Variants in SLC35F3 observed in about 807,000 individuals in gnomAD.
SLC35F3 encodes the protein putative thiamine transporter SLC35F3.
In SLC35F3, 25 loss-of-function variants were observed where a neutral mutation model predicts 49.9. The ratio of observed to expected loss-of-function variants is 0.50; its 90% confidence interval spans 0.37 to 0.70. SLC35F3 has a LOEUF of 0.70. Among genes scored for constraint, SLC35F3 ranks in the 30% least tolerant of loss-of-function variants. SLC35F3 has a pLI of 0.00. For missense variants in SLC35F3, 525 were observed against 639.8 expected (o/e 0.82, Z 1.94); for synonymous variants, 275 against 265.4 (o/e 1.04, Z -0.35).
intron 2 of SLC35F3, among the ~76,000 whole-genome samples, chr1:233,999,151 G>A (rs1018476771): frequency 6.6e-6 from 1 of 152,108 alleles, no homozygotes; most frequent in African/African-American, 2.4e-5. Flanking sequence ...TGCAACCCAG[G>A]GTATCCCCTT....
chr1:233,908,203 A>C (rs1418153202), intron 2 of SLC35F3, among the ~76,000 whole-genome samples: 2 of 151,778 alleles, frequency 1.3e-5, no homozygotes, highest in Non-Finnish European at 2.9e-5. Context: ...AAAGACAAAA[A>C]AAAAAAATTC....
At chr1:234,125,495 C>T (rs1665633550) in intron 2 of SLC35F3, among the ~76,000 whole-genome samples, 1 of 152,128 alleles carries the variant, frequency 6.6e-6, no homozygotes, top group East Asian at 1.9e-4. Context: ...AAGTCCATGG[C>T]TGCACCTGCT....
At chr1:233,908,587 G>A (rs571302013) in intron 2 of SLC35F3, among the ~76,000 whole-genome samples, 3 of 142,946 alleles carry the variant, frequency 2.1e-5, no homozygotes, top group African/African-American at 7.9e-5. Flanking sequence ...TGTCACCCAG[G>A]CTGGAGTGCA....
chr1:234,221,428 G>A (rs749077552), intron 2 of SLC35F3, among the ~76,000 whole-genome samples: 1 of 152,278 alleles, frequency 6.6e-6, no homozygotes, highest in Non-Finnish European at 1.5e-5. Context: ...GGGAATGATC[G>A]GCTTTGAAAA....
At chr1:234,319,290 TAA>T (rs1657560538) in intron 6 of SLC35F3, among the ~76,000 whole-genome samples, 1 of 151,948 alleles carries the variant, frequency 6.6e-6, no homozygotes, top group Non-Finnish European at 1.5e-5. Context: ...CAATATTCAA[TAA>T]ATACTATAGA....
chr1:234,282,786 C>G (rs1668350231), intron 3 of SLC35F3, among the ~76,000 whole-genome samples: 1 of 152,216 alleles, frequency 6.6e-6, no homozygotes, highest in Admixed American at 6.5e-5. Context: ...ATGGGTTGTT[C>G]TTGTACGCAC....
At chr1:234,028,742 G>A (rs1188858439) in intron 2 of SLC35F3, among the ~76,000 whole-genome samples, 1 of 152,252 alleles carries the variant, frequency 6.6e-6, no homozygotes, top group Non-Finnish European at 1.5e-5. Flanking sequence ...GACTACAGGT[G>A]TAGAAAGTGG....
At chr1:234,013,381 CA>C (rs1403130636) in intron 2 of SLC35F3, among the ~76,000 whole-genome samples, 1 of 151,368 alleles carries the variant, frequency 6.6e-6, no homozygotes, top group African/African-American at 2.4e-5. Flanking sequence ...GCACTTATGT[CA>C]AAAAAGAAGA....
rs768311065 is a variant in SLC35F3 at position 233,905,525 on chromosome 1, G to A, written c.54-4G>A. The A allele has an allele frequency of 6.2e-7, 1 of 1,609,238 alleles. No individual in the cohort carries two copies. Among genetic ancestry groups the A allele is most frequent in the Non-Finnish European group, 8.5e-7 (1 of 1,177,304 alleles). On this transcript the variant is annotated splice_region_variant and splice_polypyrimidine_tract_variant and intron_variant, in intron 1 of 7. Coordinates refer to ENST00000366618, the MANE Select transcript of SLC35F3 (RefSeq NM_173508.4). ...CCACCTGCCCGTGGCGCCTGCGACC[G>A]CAGTGGCATGAGGAGGTCACCGGAC...
intron 2 of SLC35F3, chr1:234,213,278 G>A (rs1667068789): frequency 6.6e-6 from 1 of 152,254 alleles, no homozygotes; most frequent in Non-Finnish European, 1.5e-5. Flanking sequence ...AGGTAGCATT[G>A]AAGGTTCTGA....
intron 2 of SLC35F3, among the ~76,000 whole-genome samples, chr1:233,975,311 G>C (rs1663062664): frequency 6.6e-6 from 1 of 152,250 alleles, no homozygotes; most frequent in Non-Finnish European, 1.5e-5. Flanking sequence ...ATAGACCCCT[G>C]GTAGTTGCTA....
intron 2 of SLC35F3, among the ~76,000 whole-genome samples, chr1:233,988,711 AC>A (rs1355189275): frequency 6.6e-6 from 1 of 152,074 alleles, no homozygotes; most frequent in African/African-American, 2.4e-5. Context: ...GTCTCTTATA[AC>A]TTTTTCTCCC....
intron 2 of SLC35F3, among the ~76,000 whole-genome samples, chr1:233,955,424 T>C (rs78439522): frequency 0.037 from 5,691 of 152,216 alleles, 306 homozygotes; most frequent in African/African-American, 0.13. Flanking sequence ...CTGCTCATCT[T>C]GGCCGGGGAC....
intron 2 of SLC35F3, among the ~76,000 whole-genome samples, chr1:233,998,348 T>C (rs972913456): frequency 6.6e-6 from 1 of 151,994 alleles, no homozygotes; most frequent in African/African-American, 2.4e-5. Flanking sequence ...AATTAATATA[T>C]CTCTTCTTCC....
At chr1:234,109,205 T>C (rs1380269787) in intron 2 of SLC35F3, among the ~76,000 whole-genome samples, 1 of 152,164 alleles carries the variant, frequency 6.6e-6, no homozygotes, top group Non-Finnish European at 1.5e-5. Context: ...AATTTTCACA[T>C]TGCCTAGAGG....
intron 2 of SLC35F3, among the ~76,000 whole-genome samples, chr1:233,998,771 A>G (rs1295510389): frequency 1.3e-5 from 2 of 152,180 alleles, no homozygotes; most frequent in South Asian, 2.1e-4. Context: ...TGTGACAGTT[A>G]TAGCAGCAGG....
At chr1:234,042,856 T>C (rs1237721236) in intron 2 of SLC35F3, among the ~76,000 whole-genome samples, 1 of 152,226 alleles carries the variant, frequency 6.6e-6, no homozygotes, top group Non-Finnish European at 1.5e-5. Flanking sequence ...TCGAAGAGCC[T>C]GCTTTGACGA....
intron 2 of SLC35F3, among the ~76,000 whole-genome samples, chr1:234,153,015 A>G (rs974515178): frequency 6.6e-6 from 1 of 152,196 alleles, no homozygotes; most frequent in South Asian, 2.1e-4. Flanking sequence ...TGTTGGCAAC[A>G]TAAAATTTCA....
chr1:234,034,744 A>G (rs1664116369), intron 2 of SLC35F3, among the ~76,000 whole-genome samples: 1 of 152,148 alleles, frequency 6.6e-6, no homozygotes. Flanking sequence ...GCTAGTCTCG[A>G]ACTCCTAGCC....
Sources: gnomAD v4.1 joint callset for allele counts (sites outside exome capture counted in the v4.1 genomes callset) on GRCh38, gnomAD v4.1.1 for gene constraint, MANE v1.5 for transcripts, NCBI Gene and HGNC (gene_info 2026-07-23, HGNC 2026-07-21) for gene names.